Variants in ETV1 observed in about 807,000 individuals in gnomAD.
ETV1 encodes the protein ETS translocation variant 1.
In ETV1, 27 loss-of-function variants were observed where a neutral mutation model predicts 62.3. The ratio of observed to expected loss-of-function variants is 0.43; its 90% CI spans 0.32 to 0.60. ETV1 has a LOEUF of 0.60. Ranked by LOEUF, ETV1 falls within the 20% of genes least tolerant of loss-of-function variation. The pLI is 0.06. For synonymous variants in ETV1, 222 were observed against 199.6 expected, an observed-to-expected ratio of 1.11 and a Z score of -0.94; for missense variants, 605 against 605.8, an observed-to-expected ratio of 1.00 and a Z score of 0.01.
chr7:13,977,404 G>GAGATGAGT (rs1562709271), intron 6 of ETV1, 23 bp downstream of exon 6: 2 of 1,455,472 alleles, frequency 1.4e-6, no homozygotes, highest in Non-Finnish European at 1.9e-6. Context: ...AAAAATACAA[G>GAGATGAGT]AGATGAGTCA....
In ETV1 at chr7:13,892,857, C is replaced by T; in HGVS notation, c.*3009G>A. On this transcript the variant is annotated 3_prime_UTR_variant, in exon 14 of 14. Transcript: ENST00000430479. ...TCTCCCCTGGAGCCTCCAGAAGGAA[C>T]CAGACCTAAGGACATCTTGGTTTTA... 1 of 232,168 alleles carries T rather than the reference C, an allele frequency of 4.3e-6. No homozygotes were observed. The highest frequency in any genetic ancestry group is 1.8e-4 in the South Asian group (1 of 5,520). 14.4% of individuals were successfully genotyped at this position (232,168 alleles called of 1,614,324 possible). A position where few individuals can be genotyped will look rare whatever the true frequency, so the allele number is the denominator to read the frequency against.
intron 5 of ETV1, among the ~76,000 whole-genome samples, chr7:13,984,719 CT>C (rs1240521034): frequency 1.3e-5 from 2 of 151,850 alleles, no homozygotes; most frequent in Non-Finnish European, 2.9e-5. Flanking sequence ...AATTATAATT[CT>C]TTTCTAAGTA....
intron 5 of ETV1, among the ~76,000 whole-genome samples, chr7:13,983,714 T>A (rs1271736123): frequency 6.8e-6 from 1 of 147,092 alleles, no homozygotes; most frequent in Non-Finnish European, 1.5e-5. Context: ...GTTTAGATGT[T>A]AAAAAAAAAA....
chr7:13,971,040 T>G (rs1164213855), intron 6 of ETV1, among the ~76,000 whole-genome samples: 1 of 152,144 alleles, frequency 6.6e-6, no homozygotes, highest in Non-Finnish European at 1.5e-5. Context: ...GGCACGATCT[T>G]GGCTCACGGC....
intron 9 of ETV1, among the ~76,000 whole-genome samples, chr7:13,922,063 T>A (rs1448342729): frequency 6.6e-6 from 1 of 152,192 alleles, no homozygotes; most frequent in Non-Finnish European, 1.5e-5. Flanking sequence ...ATGTAATACA[T>A]GAATTATAAA....
At chr7:13,962,798 T>A (rs561035934) in intron 6 of ETV1, among the ~76,000 whole-genome samples, 1 of 152,172 alleles carries the variant, frequency 6.6e-6, no homozygotes, top group East Asian at 1.9e-4. Flanking sequence ...GTGCATTATG[T>A]TATAAATTAG....
chr7:13,939,063 C>T (rs962907603), intron 7 of ETV1, 54 bp downstream of exon 7: 8 of 1,552,486 alleles, frequency 5.2e-6, no homozygotes, highest in African/African-American at 1.4e-5. Context: ...TTATTCTGGA[C>T]TTTTTGATTC....
chr7:13,951,633 A>C (rs1247306525), intron 6 of ETV1, among the ~76,000 whole-genome samples: 1 of 152,192 alleles, frequency 6.6e-6, no homozygotes, highest in Non-Finnish European at 1.5e-5. Flanking sequence ...ATGGAGACTA[A>C]ATCTTGGCTT....
intron 9 of ETV1, among the ~76,000 whole-genome samples, chr7:13,919,691 T>G (rs1213620120): frequency 2.0e-5 from 3 of 152,110 alleles, no homozygotes; most frequent in Admixed American, 2.0e-4. Flanking sequence ...AAATGTTTTA[T>G]GAAATAAAAT....
chr7:13,933,244 G>A (rs1221473997), intron 8 of ETV1, among the ~76,000 whole-genome samples: 2 of 152,124 alleles, frequency 1.3e-5, no homozygotes, highest in Non-Finnish European at 1.5e-5. Flanking sequence ...TTTACGAGTC[G>A]ACCTGATTCC....
At chr7:13,909,066 A>G (rs1783280684) in intron 11 of ETV1, among the ~76,000 whole-genome samples, 2 of 151,762 alleles carry the variant, frequency 1.3e-5, no homozygotes, top group African/African-American at 4.8e-5. Flanking sequence ...TTAAAAAGGT[A>G]ATGCTTTCCT....
rs576692482 is a variant in ETV1 at position 13,905,414 on chromosome 7, A to G, written c.1110+1016T>C. ...GAGGTATGGTAGCTAAAAATCTTCC[A>G]TTGCTTTTTTGGCTGATATAAACTA... is the stretch of plus-strand genomic sequence containing the variant. On this transcript the variant is annotated intron_variant, in intron 12 of 13. Transcript: ENST00000430479. 4.6e-5 allele frequency among the ~76,000 whole-genome samples: 7 copies of G among 152,308 alleles called. No individual in the cohort carries two copies. The South Asian group carries it at 1.5e-3, about 32-fold the overall frequency.
At chr7:13,900,286 T>A (rs1194601752) in intron 13 of ETV1, 1 of 153,018 alleles carries the variant, frequency 6.5e-6, no homozygotes, top group Non-Finnish European at 1.5e-5. Flanking sequence ...TAGGCAAGAT[T>A]TGAGGCAAGG....
At chr7:13,916,116 G>C (rs1289377975) in intron 9 of ETV1, among the ~76,000 whole-genome samples, 1 of 152,146 alleles carries the variant, frequency 6.6e-6, no homozygotes, top group East Asian at 1.9e-4. Context: ...ATCCTGACAA[G>C]GGAGTGATGA....
chr7:13,979,216 G>C lies in ETV1; in HGVS notation c.182-1736C>G, dbSNP rs187112201. 7.9e-5 allele frequency among the ~76,000 whole-genome samples: 12 copies of C among 152,098 alleles called. No homozygotes were observed. In the East Asian group the frequency reaches 1.4e-3, roughly 17 times the overall value. ...AGTGAAAATACAGTTTTTTGGTGAG[G>C]ATTAAATGAAACAGTCTAAACGCAA... On this transcript the variant is annotated intron_variant, in intron 5 of 13. Transcript: ENST00000430479.
chr7:13,953,690 AAG>A (rs1789087227), intron 6 of ETV1, among the ~76,000 whole-genome samples: 1 of 151,928 alleles, frequency 6.6e-6, no homozygotes, highest in Non-Finnish European at 1.5e-5. Flanking sequence ...AAAAAAAAGA[AAG>A]AAAAAGGTGG....
At chr7:13,928,930 C>G (rs1030752496) in intron 9 of ETV1, among the ~76,000 whole-genome samples, 1 of 152,060 alleles carries the variant, frequency 6.6e-6, no homozygotes, top group African/African-American at 2.4e-5. Flanking sequence ...TGCACTCAAG[C>G]CTGGGCGACA....
chr7:13,941,280 T>C (rs1238319154), intron 6 of ETV1, among the ~76,000 whole-genome samples: 1 of 152,202 alleles, frequency 6.6e-6, no homozygotes, highest in Non-Finnish European at 1.5e-5. Context: ...TATTAGATAA[T>C]TTAATGTCTG....
upstream of ETV1, chr7:13,989,856 G>A: frequency 2.8e-6 from 1 of 360,058 alleles, no homozygotes; most frequent in Non-Finnish European, 4.9e-6. Context: ...GTGCTCGGCC[G>A]GTAGGCGCTG....
Sources: gnomAD v4.1 joint callset for allele counts (sites outside exome capture counted in the v4.1 genomes callset) on GRCh38, gnomAD v4.1.1 for gene constraint, MANE v1.5 for transcripts, NCBI Gene and HGNC (gene_info 2026-07-23, HGNC 2026-07-21) for gene names.